LTBP1: variants seen among roughly 807,000 people sequenced by gnomAD.
LTBP1 encodes latent transforming growth factor beta binding protein 1, also known as latent-transforming growth factor beta-binding protein 1.
Under a neutral mutation model 207.6 loss-of-function variants are expected in LTBP1, and 129 were observed. That is an observed-to-expected ratio of 0.62 (90% CI 0.54 to 0.72). The LOEUF (loss-of-function observed/expected upper bound fraction) is 0.72. LTBP1 is among the 30% of genes least tolerant of loss of function. LTBP1 has a pLI of 0.00. For missense variants in LTBP1, 2,281 were observed against 2,217.2 expected, an observed-to-expected ratio of 1.03 and a Z score of -0.58; for synonymous variants, 963 against 833.7, an observed-to-expected ratio of 1.16 and a Z score of -2.67.
At chr2:33,229,983 T>G (rs1487193910) in intron 9 of LTBP1, among the ~76,000 whole-genome samples, 2 of 152,228 alleles carry the variant, frequency 1.3e-5, no homozygotes, top group African/African-American at 4.8e-5. Context: ...TTGAAATTAC[T>G]ATTGAGAGAA....
intron 32 of LTBP1, among the ~76,000 whole-genome samples, chr2:33,392,974 C>G (rs1019670429): frequency 2.0e-5 from 3 of 151,702 alleles, no homozygotes; most frequent in Non-Finnish European, 2.9e-5. Flanking sequence ...TCCTGAGTAG[C>G]TGGGACTCTT....
chr2:33,247,091 G>A (rs549162147), intron 10 of LTBP1, among the ~76,000 whole-genome samples: 36 of 152,248 alleles, frequency 2.4e-4, no homozygotes, highest in African/African-American at 8.7e-4. Flanking sequence ...TCAGTAAAAA[G>A]GCCCAGATAA....
intron 4 of LTBP1, among the ~76,000 whole-genome samples, chr2:33,129,844 A>T (rs1186252319): frequency 6.6e-6 from 1 of 152,158 alleles, no homozygotes; most frequent in Non-Finnish European, 1.5e-5. Flanking sequence ...AACTCAAGAG[A>T]TGGAGCTGAA....
intron 2 of LTBP1, among the ~76,000 whole-genome samples, chr2:32,966,860 A>C (rs1312735774): frequency 6.6e-6 from 1 of 151,998 alleles, no homozygotes; most frequent in Non-Finnish European, 1.5e-5. Context: ...TCTTTGCCTG[A>C]TTTTGGTATT....
intron 3 of LTBP1, among the ~76,000 whole-genome samples, chr2:33,085,891 A>G (rs1572564430): frequency 6.6e-6 from 1 of 152,310 alleles, no homozygotes; most frequent in East Asian, 1.9e-4. Flanking sequence ...CTCAGTTATA[A>G]TTACAGGAAG....
chr2:33,097,442 C>T (rs563573702), intron 3 of LTBP1, among the ~76,000 whole-genome samples: 13 of 152,184 alleles, frequency 8.5e-5, no homozygotes, highest in South Asian at 6.2e-4. Context: ...GACAATCAAG[C>T]GGGATCATTG....
rs532161340 is a variant in LTBP1, at chr2:33,369,399, C to T, written c.4711+3896C>T. Among the ~76,000 whole-genome samples the T allele has an allele frequency of 2.0e-5, 3 of 152,286 alleles. No homozygotes were observed. In the South Asian group the frequency reaches 6.2e-4, roughly 32 times the overall value. On this transcript the variant is annotated intron_variant, in intron 31 of 33. Transcript: ENST00000404816. Reference sequence around the variant, plus strand: ...AATTTTAACCTCCAGCATACACATTCATTGACATTAAAGATGCTGGGTGGG... The same window carrying T: ...AATTTTAACCTCCAGCATACACATTTATTGACATTAAAGATGCTGGGTGGG...
At chr2:32,998,026 G>T (rs1039725210) in intron 2 of LTBP1, among the ~76,000 whole-genome samples, 2 of 152,164 alleles carry the variant, frequency 1.3e-5, no homozygotes, top group African/African-American at 4.8e-5. Flanking sequence ...TACCAGAAAG[G>T]CTTATTGCAT....
chr2:33,309,580 A>G, intron 23 of LTBP1, 24 bp downstream of exon 23: 1 of 1,598,314 alleles, frequency 6.3e-7, no homozygotes, highest in African/African-American at 1.4e-5. Flanking sequence ...TTTTTTCCCC[A>G]GTCATTATTT....
chr2:33,015,628 G>A (rs781532776), intron 2 of LTBP1, among the ~76,000 whole-genome samples: 1 of 151,568 alleles, frequency 6.6e-6, no homozygotes, highest in African/African-American at 2.4e-5. Flanking sequence ...GGTCGTGATA[G>A]GGCTGGGTGG....
At chr2:33,064,397 AGAC>A (rs1306818487) in intron 3 of LTBP1, among the ~76,000 whole-genome samples, 1 of 152,188 alleles carries the variant, frequency 6.6e-6, no homozygotes, top group African/African-American at 2.4e-5. Flanking sequence ...TGCTGACAGA[AGAC>A]AGGAGAATCC....
intron 18 of LTBP1, among the ~76,000 whole-genome samples, chr2:33,279,317 T>A (rs1390172194): frequency 6.6e-6 from 1 of 151,834 alleles, no homozygotes; most frequent in South Asian, 2.1e-4. Flanking sequence ...GTCGTAGTTA[T>A]CTCCTCACAG....
At chr2:33,273,630 T>A in intron 15 of LTBP1, 26 bp from the exon 16 acceptor site, 1 of 1,574,680 alleles carries the variant, frequency 6.4e-7, no homozygotes, top group Non-Finnish European at 8.6e-7. Context: ...GTGGGTTTTT[T>A]CACATTATTT....
chr2:33,100,056 A>T lies in LTBP1; in HGVS notation c.864-10526A>T, dbSNP rs557403810. On this transcript the variant is annotated intron_variant, in intron 3 of 33. Coordinates refer to ENST00000404816, the MANE Select transcript of LTBP1 (RefSeq NM_206943.4). ...AATGCAGTGGGAGAATAATCTGGGG[A>T]GTGAGCAAAATTAGGCAGGAGAGTT... Among the ~76,000 whole-genome samples the T allele has an allele frequency of 7.9e-5, 12 of 152,326 alleles. No homozygotes were observed. In the East Asian group the frequency reaches 1.9e-3, roughly 24 times the overall value.
intron 5 of LTBP1, among the ~76,000 whole-genome samples, chr2:33,169,353 C>A (rs956307909): frequency 1.3e-5 from 2 of 152,118 alleles, no homozygotes; most frequent in Admixed American, 1.3e-4. Flanking sequence ...CCCTCTGAAG[C>A]CTTCTGTTCA....
chr2:32,995,719 G>A (rs1685158087), intron 2 of LTBP1, among the ~76,000 whole-genome samples: 1 of 152,062 alleles, frequency 6.6e-6, no homozygotes, highest in Non-Finnish European at 1.5e-5. Context: ...AATCCAGGAG[G>A]CCAAGCCTGC....
At chr2:33,178,893 G>GC (rs2086337011) in intron 5 of LTBP1, among the ~76,000 whole-genome samples, 1 of 152,068 alleles carries the variant, frequency 6.6e-6, no homozygotes, top group South Asian at 2.1e-4. Context: ...CTTCTGGCAT[G>GC]CTTTATTTTC....
intron 3 of LTBP1, among the ~76,000 whole-genome samples, chr2:33,092,873 C>T (rs895026845): frequency 6.6e-6 from 1 of 152,192 alleles, no homozygotes; most frequent in Non-Finnish European, 1.5e-5. Flanking sequence ...CTACCTGGAC[C>T]TATTTTCTGC....
chr2:33,240,705 C>G (rs542079057), intron 9 of LTBP1, among the ~76,000 whole-genome samples: 4 of 135,142 alleles, frequency 3.0e-5, no homozygotes, highest in Non-Finnish European at 6.0e-5. Context: ...GGCTGGAGTG[C>G]AGTGGCGCGA....
Sources: allele counts gnomAD v4.1 joint callset (sites outside exome capture counted in the v4.1 genomes callset), GRCh38; gene constraint gnomAD v4.1.1; transcripts MANE v1.5; gene names NCBI Gene and HGNC (gene_info 2026-07-23, HGNC 2026-07-21).